FREM3: variants seen among roughly 807,000 people sequenced by gnomAD.
FREM3 encodes the protein FRAS1 related extracellular matrix 3.
A neutral mutation model predicts 129.1 loss-of-function variants in FREM3; 105 were observed. The observed-to-expected ratio is 0.81, with a 90% CI of 0.69 to 0.96. The LOEUF is 0.96. Ranked by LOEUF, FREM3 falls within the 40% of genes least tolerant of loss-of-function variation. The pLI, the probability that FREM3 is intolerant of heterozygous loss-of-function variation, is 0.00. For missense variants in FREM3, 2,593 were observed against 2,666.3 expected (o/e 0.97, Z 0.61); for synonymous variants, 1,014 against 1,044.9 (o/e 0.97, Z 0.57).
chr4:143,655,780 G>T (rs1739589396), intron 2 of FREM3, among the ~76,000 whole-genome samples: 1 of 152,146 alleles, frequency 6.6e-6, no homozygotes, highest in Admixed American at 6.5e-5. Context: ...CCTACAAGGG[G>T]CAAGGACCAG....
intron 4 of FREM3, among the ~76,000 whole-genome samples, chr4:143,623,896 G>T (rs1738999251): frequency 6.6e-6 from 1 of 152,182 alleles, no homozygotes; most frequent in Non-Finnish European, 1.5e-5. Flanking sequence ...TGCTGATACA[G>T]ATCCTCTCTA....
chr4:143,585,668 A>G lies in FREM3; in HGVS notation c.6178+176T>C, dbSNP rs1445406821. On this transcript the variant is annotated intron_variant, in intron 7 of 7. Transcript: ENST00000329798. The surrounding 1 kb of genome is among the most constrained non-coding windows in gnomAD (Gnocchi z 4.2). ...ATAAAGGCTGCTGTTTGAATAATGT[A>G]CTTATTTTGTAACCAGCAGAAGTCA... 6.6e-6 allele frequency among the ~76,000 whole-genome samples: 1 copy of G among 152,178 alleles called. No homozygotes were observed. The highest frequency in any genetic ancestry group is 1.5e-5 in the Non-Finnish European group (1 of 68,040).
chr4:143,593,388 G>C (rs1339203394), intron 6 of FREM3, among the ~76,000 whole-genome samples: 1 of 152,180 alleles, frequency 6.6e-6, no homozygotes, highest in Non-Finnish European at 1.5e-5. Flanking sequence ...GGTCTTTGAT[G>C]ATGGTGACGT....
At chr4:143,674,981 C>A (rs184163238) in intron 2 of FREM3, among the ~76,000 whole-genome samples, 8 of 152,098 alleles carry the variant, frequency 5.3e-5, no homozygotes, top group African/African-American at 1.7e-4. Flanking sequence ...GACAGATCAA[C>A]GAGAAAGAAA....
At chr4:143,593,248 C>T (rs554329851) in intron 6 of FREM3, among the ~76,000 whole-genome samples, 3 of 152,304 alleles carry the variant, frequency 2.0e-5, no homozygotes, top group African/African-American at 7.2e-5. Context: ...CAAAGTCATT[C>T]TCTGTCCAGC....
intron 2 of FREM3, among the ~76,000 whole-genome samples, chr4:143,656,251 AC>A (rs573323181): frequency 1.3e-5 from 2 of 152,178 alleles, no homozygotes; most frequent in Non-Finnish European, 2.9e-5. Context: ...AGCAGTGATG[AC>A]AGCAGATATC....
chr4:143,661,425 C>T (rs4835628), intron 2 of FREM3, among the ~76,000 whole-genome samples: 82,217 of 151,224 alleles, frequency 0.54, 23,324 homozygotes, highest in East Asian at 0.71. Context: ...AGCCTTGCAT[C>T]CCAGGGATGA....
intron 2 of FREM3, among the ~76,000 whole-genome samples, chr4:143,682,146 T>G (rs1342927699): frequency 6.6e-6 from 1 of 152,008 alleles, no homozygotes; most frequent in Non-Finnish European, 1.5e-5. Flanking sequence ...AATACAAAAT[T>G]TGGTATCCTA....
Position 143,577,799 on chromosome 4 carries a change from G to T in FREM3, c.6232C>A (p.Arg2078Ser), listed in dbSNP as rs1021347474. Residue 2078 changes from arginine (R) to serine (S), a missense_variant, in exon 8 of 8, where the codon CGC becomes AGC. Physicochemically the swap from Arg to Ser is moderately radical, Grantham distance 110. Coordinates refer to ENST00000329798, the MANE Select transcript of FREM3 (RefSeq NM_001168235.2). ...SRNLDFAPGV[R>S]MQTFQVTILD... ...ATGGTCACTTGGAATGTCTGCATGC[G>T]CACGCCTGGAGCAAAGTCCAGGTTT... The T allele has an allele frequency of 1.3e-6, 2 of 1,537,138 alleles. No homozygotes were observed. The highest frequency in any genetic ancestry group is 2.4e-5 in the East Asian group (1 of 40,932).
intron 6 of FREM3, among the ~76,000 whole-genome samples, chr4:143,587,639 G>A (rs1738265387): frequency 6.6e-6 from 1 of 152,186 alleles, no homozygotes; most frequent in African/African-American, 2.4e-5. Flanking sequence ...GAAAGAAGGA[G>A]GATAGGCAGG....
At chr4:143,581,977 C>A (rs959679991) in intron 7 of FREM3, among the ~76,000 whole-genome samples, 1 of 152,088 alleles carries the variant, frequency 6.6e-6, no homozygotes, top group Admixed American at 6.5e-5. Flanking sequence ...CCAGTCTGTC[C>A]TCCCTGTGAG....
chr4:143,642,076 C>A (rs1415969964), intron 2 of FREM3, among the ~76,000 whole-genome samples: 1 of 152,078 alleles, frequency 6.6e-6, no homozygotes, highest in Non-Finnish European at 1.5e-5. Flanking sequence ...TTTATAATAC[C>A]TAGAAAGAAG....
chr4:143,689,644 A>G (rs1052428145), intron 2 of FREM3, among the ~76,000 whole-genome samples: 1 of 152,102 alleles, frequency 6.6e-6, no homozygotes, highest in Non-Finnish European at 1.5e-5. Context: ...ATGACCATCA[A>G]TAAACGAGTG....
rs139053530 is a variant in FREM3 at position 143,700,232 on chromosome 4, C to G, written c.444G>C (p.Pro148=). 5.9e-6 allele frequency: 9 copies of G among 1,536,746 alleles called. No homozygotes were observed. In the Admixed American group the frequency reaches 9.8e-5, roughly 17 times the overall value. ...TGAAGGGCAGCACCAGAGTGTGAGT[C>G]GGGGCGTCGTAGCGCAGCTGCAGCA... The part of the protein sequence containing the change: ...RVLLQLRYDA[P]THTLVLPFTL... Residue 148 remains proline (P), a synonymous_variant, in exon 1 of 8, where the codon CCG becomes CCC. Transcript: ENST00000329798.
At chr4:143,688,195 C>CAGTA (rs1290923803) in intron 2 of FREM3, among the ~76,000 whole-genome samples, 6 of 152,158 alleles carry the variant, frequency 3.9e-5, no homozygotes, top group African/African-American at 1.4e-4. Flanking sequence ...GTACACAAAT[C>CAGTA]AGTAGCTCTT....
At chr4:143,653,647 G>A (rs890529428) in intron 2 of FREM3, among the ~76,000 whole-genome samples, 14 of 152,170 alleles carry the variant, frequency 9.2e-5, no homozygotes, top group African/African-American at 3.1e-4. Flanking sequence ...ACTCAAGGAC[G>A]AGAGGTTATA....
At chr4:143,667,954 CCTT>C (rs745851166) in intron 2 of FREM3, among the ~76,000 whole-genome samples, 6 of 152,108 alleles carry the variant, frequency 3.9e-5, no homozygotes, top group Non-Finnish European at 7.4e-5. Context: ...AAATTCCACA[CCTT>C]CTTCAGTGCA....
At chr4:143,676,617 T>A (rs1428958167) in intron 2 of FREM3, among the ~76,000 whole-genome samples, 2 of 152,190 alleles carry the variant, frequency 1.3e-5, no homozygotes, top group East Asian at 1.9e-4. Flanking sequence ...TGTTTGCAGA[T>A]GACATGATTG....
intron 2 of FREM3, among the ~76,000 whole-genome samples, chr4:143,644,683 C>T (rs1212392582): frequency 6.6e-6 from 1 of 152,134 alleles, no homozygotes; most frequent in African/African-American, 2.4e-5. Flanking sequence ...ATCTACAAAG[C>T]ATATAATTTT....
Sources: allele counts gnomAD v4.1 joint callset (sites outside exome capture counted in the v4.1 genomes callset), GRCh38; gene constraint gnomAD v4.1.1; non-coding constraint Gnocchi (gnomAD v3.1); transcripts MANE v1.5; gene names NCBI Gene and HGNC (gene_info 2026-07-23, HGNC 2026-07-21).